ATP8B4: variants seen among roughly 807,000 people sequenced by gnomAD.
The protein encoded by ATP8B4 is probable phospholipid-transporting ATPase IM.
Under a neutral mutation model 145.6 loss-of-function variants are expected in ATP8B4, and 133 were observed. That is an observed-to-expected ratio of 0.91 (90% CI 0.79 to 1.05). The LOEUF is 1.05. Among genes scored for constraint, ATP8B4 ranks in the 50% least tolerant of loss-of-function variants. The pLI, the probability that ATP8B4 is intolerant of heterozygous loss-of-function variation, is 0.00. For synonymous variants in ATP8B4, 507 were observed against 492.9 expected (o/e 1.03, Z -0.38); for missense variants, 1,458 against 1,425.2 (o/e 1.02, Z -0.37).
intron 2 of ATP8B4, among the ~76,000 whole-genome samples, chr15:50,080,950 A>C (rs191878468): frequency 6.6e-6 from 1 of 152,178 alleles, no homozygotes; most frequent in Admixed American, 6.5e-5. Context: ...CATCTCTACG[A>C]AAAATACAAA....
At chr15:50,164,884 C>G (rs966128754) in intron 1 of ATP8B4, among the ~76,000 whole-genome samples, 4 of 152,286 alleles carry the variant, frequency 2.6e-5, no homozygotes, top group African/African-American at 7.2e-5. Context: ...AAGGACAGTC[C>G]TGAGTTCCAA....
At chr15:49,946,530 A>C (rs942247022) in intron 14 of ATP8B4, among the ~76,000 whole-genome samples, 3 of 152,024 alleles carry the variant, frequency 2.0e-5, no homozygotes, top group Non-Finnish European at 4.4e-5. Context: ...CTTTAAACAG[A>C]TCATTCAAGC....
At chr15:49,903,644 A>T (rs2038293081) in intron 20 of ATP8B4, among the ~76,000 whole-genome samples, 1 of 152,254 alleles carries the variant, frequency 6.6e-6, no homozygotes, top group South Asian at 2.1e-4. Context: ...CTGTAATCCC[A>T]GCATTTGGGG....
At chr15:50,121,743 C>A (rs2057272711), upstream of ATP8B4, among the ~76,000 whole-genome samples, 1 of 152,088 alleles carries the variant, frequency 6.6e-6, no homozygotes, top group South Asian at 2.1e-4. Flanking sequence ...GCAGTATGTG[C>A]ACTGTCAGAA....
chr15:49,909,150 C>G (rs955463505), intron 20 of ATP8B4, among the ~76,000 whole-genome samples: 1 of 152,128 alleles, frequency 6.6e-6, no homozygotes, highest in Non-Finnish European at 1.5e-5. Flanking sequence ...CCATACCCCC[C>G]ACCCCAGTAC....
At chr15:49,919,104 A>C in intron 18 of ATP8B4, among the ~76,000 whole-genome samples, 154 bp from the exon 19 acceptor site, 1 of 152,252 alleles carries the variant, frequency 6.6e-6, no homozygotes, top group East Asian at 1.9e-4. Flanking sequence ...ATTTTGTGTG[A>C]AAGTGGATTG....
chr15:49,874,608 G>C (rs2034122573), intron 25 of ATP8B4, among the ~76,000 whole-genome samples: 1 of 152,168 alleles, frequency 6.6e-6, no homozygotes, highest in Non-Finnish European at 1.5e-5. Flanking sequence ...TGGTTACTTT[G>C]AGCCTAAGGT....
chr15:50,076,054 G>C (rs1236970163), intron 2 of ATP8B4, among the ~76,000 whole-genome samples: 1 of 152,150 alleles, frequency 6.6e-6, no homozygotes, highest in East Asian at 1.9e-4. Context: ...ATATTAATTG[G>C]CTTTAGCTTG....
chr15:50,089,233 C>CA (rs2055426860), intron 2 of ATP8B4, among the ~76,000 whole-genome samples: 1 of 152,060 alleles, frequency 6.6e-6, no homozygotes, highest in South Asian at 2.1e-4. Context: ...GATTTCATGA[C>CA]AAAAATATCA....
intron 14 of ATP8B4, among the ~76,000 whole-genome samples, chr15:49,938,465 A>C (rs553707643): frequency 6.6e-6 from 1 of 152,146 alleles, no homozygotes; most frequent in African/African-American, 2.4e-5. Context: ...CTATTCTTCT[A>C]ACAGATGAAA....
chr15:50,034,264 CT>C (rs1365958334), intron 6 of ATP8B4, among the ~76,000 whole-genome samples: 1 of 136,458 alleles, frequency 7.3e-6, no homozygotes, highest in Non-Finnish European at 1.5e-5. Flanking sequence ...GAGTTTCACT[CT>C]TGTCACCCAG....
Position 50,107,744 on chromosome 15 carries a change from G to A in ATP8B4, c.-42-736C>T, listed in dbSNP as rs78781909. Among the ~76,000 whole-genome samples the A allele has an allele frequency of 2.5e-3, 384 of 152,220 alleles. 1 individual carries two copies. Among genetic ancestry groups the A allele is most frequent in the African/African-American group, 8.8e-3 (366 of 41,536 alleles). On this transcript the variant is annotated intron_variant, in intron 1 of 27. Coordinates refer to ENST00000284509, the MANE Select transcript of ATP8B4 (RefSeq NM_024837.4). Reference sequence around the variant, plus strand: ...CAGTTAGAAAAAAAATGACTGGTTTGCTTCCTGCTCAGGAAAGTGGTGTGG... The same window carrying A: ...CAGTTAGAAAAAAAATGACTGGTTTACTTCCTGCTCAGGAAAGTGGTGTGG...
rs78868679 is a variant in ATP8B4, at chr15:50,056,686, T to C, written c.88-9222A>G. Among the ~76,000 whole-genome samples, 17 of 145,744 alleles carry C rather than the reference T, an allele frequency of 1.2e-4. No homozygotes were observed. In the East Asian group the frequency reaches 3.3e-3, roughly 28 times the overall value. On this transcript the variant is annotated intron_variant, in intron 3 of 27. Coordinates refer to ENST00000284509, the MANE Select transcript of ATP8B4 (RefSeq NM_024837.4). ...ACATTTAATTACTATACACAATATATGTATATGTATATGTGTATATATATA... is the reference window on the plus strand; with the variant it reads ...ACATTTAATTACTATACACAATATACGTATATGTATATGTGTATATATATA...
Position 49,943,134 on chromosome 15 carries a change from C to T in ATP8B4, c.1288-8952G>A, listed in dbSNP as rs138361437. 1.0e-3 allele frequency among the ~76,000 whole-genome samples: 158 copies of T among 151,842 alleles called. 1 individual carries two copies. The highest frequency in any genetic ancestry group is 3.7e-3 in the African/African-American group (154 of 41,454). ...ACTTGATCAAACAGGAAAAAAAATTCACCAAACAAAGACAAGTCATTTGTA... is the reference window on the plus strand; with the variant it reads ...ACTTGATCAAACAGGAAAAAAAATTTACCAAACAAAGACAAGTCATTTGTA... On this transcript the variant is annotated intron_variant, in intron 14 of 27. Transcript: ENST00000284509.
chr15:50,037,009 A>G (rs1567238549), intron 6 of ATP8B4, among the ~76,000 whole-genome samples: 1 of 152,222 alleles, frequency 6.6e-6, no homozygotes, highest in Non-Finnish European at 1.5e-5. Flanking sequence ...TTCAAATGAT[A>G]ATGATAATGA....
chr15:50,119,926 T>C (rs562617282), upstream of ATP8B4, among the ~76,000 whole-genome samples: 3 of 152,190 alleles, frequency 2.0e-5, no homozygotes, highest in South Asian at 2.1e-4. Context: ...AAAGAACAAA[T>C]GCACATAGGA....
At chr15:50,147,359 T>A (rs1022276675) in intron 1 of ATP8B4, among the ~76,000 whole-genome samples, 1 of 144,632 alleles carries the variant, frequency 6.9e-6, no homozygotes, top group Non-Finnish European at 1.5e-5. Flanking sequence ...GAGGTTGCAG[T>A]GAACAGAGAT....
chr15:50,148,653 A>G (rs1327408939), intron 1 of ATP8B4, among the ~76,000 whole-genome samples: 1 of 152,210 alleles, frequency 6.6e-6, no homozygotes, highest in Non-Finnish European at 1.5e-5. Flanking sequence ...CTCCAAAACT[A>G]TGAAAAAATA....
intron 3 of ATP8B4, among the ~76,000 whole-genome samples, chr15:50,058,487 C>T (rs11070743): frequency 0.54 from 81,452 of 151,966 alleles, 22,630 homozygotes; most frequent in East Asian, 0.63. Context: ...GTCCAGTTAA[C>T]GTGGAAAGGC....
Sources: allele counts gnomAD v4.1 joint callset (sites outside exome capture counted in the v4.1 genomes callset), GRCh38; gene constraint gnomAD v4.1.1; transcripts MANE v1.5; gene names NCBI Gene and HGNC (gene_info 2026-07-23, HGNC 2026-07-21).